The following TMEM266 variants were observed in gnomAD, a reference collection of about 807,000 sequenced individuals.
TMEM266 encodes Hv1 related protein 1.
TMEM266 carries 33 observed loss-of-function variants against 50.5 expected under a neutral mutation model. The ratio of observed to expected loss-of-function variants is 0.65; its 90% confidence interval spans 0.50 to 0.87. The LOEUF (loss-of-function observed/expected upper bound fraction) is 0.87. Ranked by LOEUF, TMEM266 falls within the 40% of genes least tolerant of loss-of-function variation. The probability of loss-of-function intolerance (pLI) is 0.00; values close to 1 mark genes in which losing one functional copy is unlikely to be tolerated. For synonymous variants in TMEM266, 310 were observed against 292.3 expected, an observed-to-expected ratio of 1.06 and a Z score of -0.62; for missense variants, 655 against 695.1, an observed-to-expected ratio of 0.94 and a Z score of 0.65.
At chr15:76,136,500 G>C (rs770417328) in intron 2 of TMEM266, among the ~76,000 whole-genome samples, 9 of 152,198 alleles carry the variant, frequency 5.9e-5, no homozygotes, top group Non-Finnish European at 1.2e-4. Context: ...CAGAGCCCAA[G>C]AGCAGTTTAC....
rs186834568 is a variant in TMEM266, at chr15:76,136,355, T to A, written c.39-1352T>A. On this transcript the variant is annotated intron_variant, in intron 2 of 10. Coordinates refer to ENST00000388942, the MANE Select transcript of TMEM266 (RefSeq NM_152335.3). Reference sequence around the variant, plus strand: ...TCTGGAGCTCCTCCGATCTTCTCCATATGTCTGTCACCTATGTCAGATCAT... The same window carrying A: ...TCTGGAGCTCCTCCGATCTTCTCCAAATGTCTGTCACCTATGTCAGATCAT... 7.7e-4 allele frequency among the ~76,000 whole-genome samples: 117 copies of A among 152,310 alleles called. 1 individual carries two copies. The highest frequency in any genetic ancestry group is 2.7e-3 in the African/African-American group (114 of 41,576).
At chr15:76,175,490 G>A in intron 7 of TMEM266, 69 bp from the exon 8 acceptor site, 2 of 1,249,358 alleles carry the variant, frequency 1.6e-6, no homozygotes, top group Non-Finnish European at 2.3e-6. Flanking sequence ...CCTGAATGCT[G>A]GGCCCGCCCT....
chr15:76,182,891 C>T (rs73446485), intron 8 of TMEM266, among the ~76,000 whole-genome samples: 17,742 of 151,916 alleles, frequency 0.12, 1,178 homozygotes, highest in South Asian at 0.16. Context: ...CATTTCCCTG[C>T]GCCAGAAAGA....
At position 76,178,253 on chromosome 15, in the gene TMEM266, A is replaced by T. The variant is rs141063785; in HGVS notation, c.768+2579A>T. On this transcript the variant is annotated intron_variant, in intron 8 of 10. Coordinates refer to ENST00000388942, the MANE Select transcript of TMEM266 (RefSeq NM_152335.3). ...CCGTTGGAGGCTGGATGGAGAGGGC[A>T]GGGTGGAGACAGGAAGACTGGGGAC... is the stretch of plus-strand genomic sequence containing the variant. Among the ~76,000 whole-genome samples, 325 of 152,200 alleles carry T rather than the reference A, an allele frequency of 2.1e-3. 1 individual carries two copies. The highest frequency in any genetic ancestry group is 7.4e-3 in the African/African-American group (309 of 41,522).
intron 4 of TMEM266, among the ~76,000 whole-genome samples, chr15:76,158,472 C>T (rs543904138): frequency 3.9e-5 from 6 of 152,160 alleles, no homozygotes; most frequent in Non-Finnish European, 8.8e-5. Flanking sequence ...GGATTGTCCT[C>T]GGGGCCCTCG....
chr15:76,073,710 T>G (rs1041784300), intron 1 of TMEM266, among the ~76,000 whole-genome samples: 5 of 152,266 alleles, frequency 3.3e-5, no homozygotes, highest in Non-Finnish European at 7.3e-5. Flanking sequence ...AATTATACAC[T>G]GTAGGCAGCT....
chr15:76,151,065 C>T (rs1478796645), intron 3 of TMEM266, among the ~76,000 whole-genome samples: 4 of 152,104 alleles, frequency 2.6e-5, no homozygotes, highest in South Asian at 2.1e-4. Context: ...CAGCCCAAGC[C>T]GGGCCCCTGG....
At chr15:76,194,697 ATGGCTTACAG>A (rs2038629347) in intron 9 of TMEM266, among the ~76,000 whole-genome samples, 1 of 152,180 alleles carries the variant, frequency 6.6e-6, no homozygotes, top group Non-Finnish European at 1.5e-5. Flanking sequence ...CTTGGCATCC[ATGGCTTACAG>A]TAGCATCACC....
At chr15:76,079,599 C>G (rs974909296) in intron 1 of TMEM266, among the ~76,000 whole-genome samples, 1 of 150,248 alleles carries the variant, frequency 6.7e-6, no homozygotes, top group Admixed American at 6.7e-5. Context: ...ACCAGCCTGG[C>G]CAACATGGTG....
At position 76,083,923 on chromosome 15, in the gene TMEM266, T is replaced by G. The variant is rs1029571528; in HGVS notation, c.-97+23907T>G. Among the ~76,000 whole-genome samples, 3 of 152,052 alleles carry G rather than the reference T, an allele frequency of 2.0e-5. No individual in the cohort carries two copies. The South Asian group carries it at 6.3e-4, about 32-fold the overall frequency. On this transcript the variant is annotated intron_variant, in intron 1 of 10. Transcript: ENST00000388942. Reference sequence around the variant, plus strand: ...ATGTATTATAATGCTTTGAGCAGAGTATTAGGATGGGGTCAGGCTCTGTAT... The same window carrying G: ...ATGTATTATAATGCTTTGAGCAGAGGATTAGGATGGGGTCAGGCTCTGTAT...
intron 1 of TMEM266, among the ~76,000 whole-genome samples, chr15:76,069,770 A>T (rs1386598352): frequency 2.0e-5 from 3 of 152,004 alleles, no homozygotes; most frequent in Non-Finnish European, 4.4e-5. Context: ...GTGAGCCAAG[A>T]TCATGCCACT....
intron 1 of TMEM266, among the ~76,000 whole-genome samples, chr15:76,086,936 G>GGC (rs1555445662): frequency 3.4e-4 from 52 of 151,772 alleles, no homozygotes; most frequent in African/African-American, 1.3e-3. Flanking sequence ...GTCGGGGGGG[G>GGC]GGCGGTGGTG....
chr15:76,144,579 C>T (rs11072573), intron 3 of TMEM266, among the ~76,000 whole-genome samples: 31,094 of 152,044 alleles, frequency 0.2, 3,543 homozygotes, highest in East Asian at 0.43. Context: ...TGTCAGTGCG[C>T]GGCTTATGGC....
chr15:76,198,091 G>C (rs1336357455), intron 9 of TMEM266, among the ~76,000 whole-genome samples: 1 of 152,154 alleles, frequency 6.6e-6, no homozygotes, highest in Non-Finnish European at 1.5e-5. Flanking sequence ...GGATGGCCCT[G>C]GGCTAAACAT....
At chr15:76,172,885 C>T (rs1055271301) in intron 7 of TMEM266, among the ~76,000 whole-genome samples, 3 of 152,156 alleles carry the variant, frequency 2.0e-5, no homozygotes, top group African/African-American at 7.2e-5. Flanking sequence ...GCAGGATCAG[C>T]GCCTTCTGGG....
intron 8 of TMEM266, among the ~76,000 whole-genome samples, chr15:76,189,273 G>A (rs556576777): frequency 3.4e-5 from 5 of 148,824 alleles, no homozygotes; most frequent in Admixed American, 6.6e-5. Context: ...AGGGAGGAAG[G>A]GAGGAAGGAA....
intron 9 of TMEM266, among the ~76,000 whole-genome samples, chr15:76,197,620 C>T (rs563431459): frequency 3.3e-5 from 5 of 152,338 alleles, no homozygotes; most frequent in East Asian, 3.9e-4. Flanking sequence ...ATACAGTAGG[C>T]GCTCAGTGAA....
intron 1 of TMEM266, among the ~76,000 whole-genome samples, chr15:76,117,291 C>G (rs2037266452): frequency 6.6e-6 from 1 of 151,794 alleles, no homozygotes; most frequent in African/African-American, 2.4e-5. Flanking sequence ...GACTTTTTAC[C>G]TTATACTGAT....
In TMEM266 at chr15:76,180,806, G is replaced by T. The variant is rs565673385; in HGVS notation, c.768+5132G>T. On this transcript the variant is annotated intron_variant, in intron 8 of 10. Transcript: ENST00000388942. ...TTTTTGTATTTTTAGTAGAGACGGG[G>T]TTTCACCATGTTGACCAGGCTGGTC... 4.3e-3 allele frequency: 649 copies of T among 151,828 alleles called. 7 individuals are homozygous for T. The highest frequency in any genetic ancestry group is 6.8e-3 in the Middle Eastern group (2 of 294). The allele number at this position is 151,828 out of a possible 1,614,324, so 9.4% of individuals were successfully genotyped here.
Sources: gnomAD v4.1 joint callset for allele counts (sites outside exome capture counted in the v4.1 genomes callset) on GRCh38, gnomAD v4.1.1 for gene constraint, MANE v1.5 for transcripts, NCBI Gene and HGNC (gene_info 2026-07-23, HGNC 2026-07-21) for gene names.